PTK2B: variants seen among roughly 807,000 people sequenced by gnomAD.
PTK2B encodes protein-tyrosine kinase 2-beta.
PTK2B carries 71 observed loss-of-function variants against 142.9 expected under a neutral mutation model. The ratio of observed to expected loss-of-function variants is 0.50; its 90% CI spans 0.41 to 0.61. The LOEUF is 0.61. Among genes scored for constraint, PTK2B ranks in the 20% least tolerant of loss-of-function variants. The pLI is 0.00. For synonymous variants in PTK2B, 519 were observed against 503.4 expected (o/e 1.03, Z -0.42); for missense variants, 1,105 against 1,320.4 (o/e 0.84, Z 2.53).
intron 3 of PTK2B, 83 bp from the exon 4 acceptor site, chr8:27,420,574 C>T (rs1809682690): frequency 1.5e-6 from 2 of 1,333,600 alleles, no homozygotes; most frequent in South Asian, 1.2e-5. Flanking sequence ...AGGGGATGGG[C>T]TTGCTTCTGC....
At chr8:27,441,894 A>T (rs3736527) in intron 21 of PTK2B, among the ~76,000 whole-genome samples, 73,224 of 151,814 alleles carry the variant, frequency 0.48, 18,215 homozygotes, top group African/African-American at 0.59. Flanking sequence ...AGGTGTTCCC[A>T]TCATCTCCTG....
intron 1 of PTK2B, among the ~76,000 whole-genome samples, chr8:27,355,005 G>T (rs1805316052): frequency 6.6e-6 from 1 of 152,116 alleles, no homozygotes; most frequent in Admixed American, 6.5e-5. Context: ...GACTCTTTTT[G>T]ATTCTGCCTC....
chr8:27,329,434 C>T (rs1024346258), intron 1 of PTK2B, among the ~76,000 whole-genome samples: 1 of 152,096 alleles, frequency 6.6e-6, no homozygotes, highest in Non-Finnish European at 1.5e-5. Context: ...ACAAAGGAAA[C>T]TGATGGTGAG....
intron 3 of PTK2B, among the ~76,000 whole-genome samples, chr8:27,314,278 A>G (rs931393054): frequency 2.6e-5 from 4 of 152,218 alleles, no homozygotes; most frequent in Non-Finnish European, 4.4e-5. Flanking sequence ...ACATAAAACT[A>G]TGATCAGGCC....
intron 1 of PTK2B, among the ~76,000 whole-genome samples, chr8:27,329,838 G>A (rs544761312): frequency 6.6e-6 from 1 of 152,148 alleles, no homozygotes; most frequent in Non-Finnish European, 1.5e-5. Flanking sequence ...AGTGACGTTA[G>A]GTAGGTGAGT....
At chr8:27,437,548 C>T in intron 17 of PTK2B, 52 bp downstream of exon 17, 3 of 1,422,358 alleles carry the variant, frequency 2.1e-6, no homozygotes, top group East Asian at 2.3e-5. Flanking sequence ...GGGGGGCATT[C>T]AGAGCACAGC....
chr8:27,401,654 A>G (rs1808393323), intron 2 of PTK2B, among the ~76,000 whole-genome samples: 1 of 152,260 alleles, frequency 6.6e-6, no homozygotes, highest in Admixed American at 6.5e-5. Flanking sequence ...TATTTAAACC[A>G]TGTTAACCAT....
intron 5 of PTK2B, 78 bp from the exon 6 acceptor site, chr8:27,430,014 CT>C (rs1304089052): frequency 3.6e-5 from 48 of 1,316,832 alleles, no homozygotes; most frequent in Non-Finnish European, 5.1e-5. Flanking sequence ...AAGGGGGCTT[CT>C]GGTGGCATGA....
rs556192824 is a variant in PTK2B, at chr8:27,334,265, A to G, written c.-38+8584A>G. 3.9e-5 allele frequency among the ~76,000 whole-genome samples: 6 copies of G among 152,158 alleles called. No individual in the cohort carries two copies. In the East Asian group the frequency reaches 9.7e-4, roughly 25 times the overall value. On this transcript the variant is annotated intron_variant, in intron 1 of 30. Coordinates refer to ENST00000346049, the MANE Select transcript of PTK2B (RefSeq NM_173176.3). The stretch of plus-strand genomic sequence containing the variant: ...CTCCCCAATGCCTGCAGGCAAATCC[A>G]GCCCCCTTAAATTTACCATTCAGTG...
In PTK2B at chr8:27,458,456, G is replaced by A. The variant is rs752884498; in HGVS notation, c.2977G>A (p.Ala993Thr). 62 of 1,602,492 alleles carry A rather than the reference G, an allele frequency of 3.9e-5. No individual in the cohort carries two copies. The highest frequency in any genetic ancestry group is 4.9e-5 in the Non-Finnish European group (58 of 1,174,608). The change falls in exon 31 of 31, where the codon GCT (alanine) becomes ACT (threonine). Residue 993 changes from alanine (A) to threonine (T), a missense_variant. Physicochemically the swap from Ala to Thr is moderately conservative, Grantham distance 58. Coordinates refer to ENST00000346049, the MANE Select transcript of PTK2B (RefSeq NM_173176.3). ...LAVDAKNLLDAVDQAKVLANL... is the reference protein window; with the variant it reads ...LAVDAKNLLDTVDQAKVLANL... ...TGTGGACGCCAAGAACCTGCTCGAC[G>A]CTGTGGACCAGGCCAAGGTTCTGGC...
chr8:27,449,684 G>C (rs955660415), intron 24 of PTK2B, among the ~76,000 whole-genome samples: 3 of 152,354 alleles, frequency 2.0e-5, no homozygotes, highest in East Asian at 3.9e-4. Flanking sequence ...CAGGAGGCCA[G>C]GGTCCCCATG....
At chr8:27,406,890 A>C (rs930284183) in intron 2 of PTK2B, among the ~76,000 whole-genome samples, 1 of 152,178 alleles carries the variant, frequency 6.6e-6, no homozygotes, top group Non-Finnish European at 1.5e-5. Flanking sequence ...CAGGCACTGC[A>C]TGTCACCGGA....
chr8:27,407,522 A>C (rs1325429689), intron 2 of PTK2B, among the ~76,000 whole-genome samples: 1 of 152,142 alleles, frequency 6.6e-6, no homozygotes, highest in African/African-American at 2.4e-5. Context: ...TCCAGCTCAC[A>C]AAGGGCCTCA....
rs778012337 is a variant in PTK2B at position 27,437,748 on chromosome 8, C to A, written c.1528-17C>A. 6.3e-7 allele frequency: 1 copy of A among 1,599,560 alleles called. No homozygotes were observed. Among genetic ancestry groups the A allele is most frequent in the South Asian group, 1.1e-5 (1 of 88,520 alleles). The stretch of plus-strand genomic sequence containing the variant: ...GGACCAACCAGGGGTCTTGATGGCA[C>A]CTCCCCATTCCTGCAGCTGGGCCAC... On this transcript the variant is annotated splice_polypyrimidine_tract_variant and intron_variant, in intron 17 of 30. Coordinates refer to ENST00000346049, the MANE Select transcript of PTK2B (RefSeq NM_173176.3).
intron 1 of PTK2B, among the ~76,000 whole-genome samples, chr8:27,347,567 T>C (rs1291418853): frequency 6.6e-6 from 1 of 152,208 alleles, no homozygotes. Context: ...ATCTGTTGCC[T>C]GTGTCCTCAC....
intron 1 of PTK2B, among the ~76,000 whole-genome samples, chr8:27,360,328 G>A (rs951163517): frequency 4.6e-5 from 7 of 152,244 alleles, no homozygotes; most frequent in African/African-American, 1.4e-4. Flanking sequence ...ACAGCCCAAG[G>A]AATCCATGCG....
Position 27,430,382 on chromosome 8 carries a change from C to A in PTK2B, c.633C>A (p.Asp211Glu), listed in dbSNP as rs1810336218. ...CTTGCAGAAAGGAAGTGGGGCTGGA[C>A]TTGTTTTTCCCAAAGCAGATGCAGG... ...FELLEKEVGLDLFFPKQMQEN... is the reference protein window; with the variant it reads ...FELLEKEVGLELFFPKQMQEN... Residue 211 changes from aspartate to glutamate, a missense_variant, in exon 7 of 31, where the codon GAC becomes GAA. Asp to Glu is a conservative substitution (Grantham distance 45). Transcript: ENST00000346049. 1 of 1,613,976 alleles carries A rather than the reference C, an allele frequency of 6.2e-7. No individual in the cohort carries two copies. The highest frequency in any genetic ancestry group is 8.5e-7 in the Non-Finnish European group (1 of 1,180,036).
At chr8:27,390,266 G>A (rs774284596) in intron 1 of PTK2B, among the ~76,000 whole-genome samples, 8 of 152,148 alleles carry the variant, frequency 5.3e-5, no homozygotes, top group Admixed American at 1.3e-4. Context: ...CTCAGTGCAC[G>A]GAGCACTGGA....
chr8:27,381,104 T>C (rs1329856733), intron 1 of PTK2B, among the ~76,000 whole-genome samples: 1 of 152,248 alleles, frequency 6.6e-6, no homozygotes, highest in Non-Finnish European at 1.5e-5. Context: ...TACAGAATGA[T>C]ATTTGAATAC....
Sources: gnomAD v4.1 joint callset for allele counts (sites outside exome capture counted in the v4.1 genomes callset) on GRCh38, gnomAD v4.1.1 for gene constraint, MANE v1.5 for transcripts, NCBI Gene and HGNC (gene_info 2026-07-23, HGNC 2026-07-21) for gene names.